NAALADL2: variants seen among roughly 807,000 people sequenced by gnomAD.
The protein encoded by NAALADL2 is N-acetylated alpha-linked acidic dipeptidase like 2.
A neutral mutation model predicts 87.2 loss-of-function variants in NAALADL2; 76 were observed. The observed-to-expected ratio is 0.87, with a 90% CI of 0.72 to 1.05. The LOEUF (loss-of-function observed/expected upper bound fraction) is 1.05, where lower values mean the gene tolerates loss of function less well. Ranked by LOEUF, NAALADL2 falls within the 50% of genes least tolerant of loss-of-function variation. The pLI, the probability that NAALADL2 is intolerant of heterozygous loss-of-function variation, is 0.00. For synonymous variants in NAALADL2, 354 were observed against 331.0 expected, an observed-to-expected ratio of 1.07 and a Z score of -0.75; for missense variants, 1,089 against 945.8, an observed-to-expected ratio of 1.15 and a Z score of -1.99.
chr3:175,688,211 T>G (rs1164934268), intron 11 of NAALADL2, among the ~76,000 whole-genome samples: 1 of 152,154 alleles, frequency 6.6e-6, no homozygotes, highest in Non-Finnish European at 1.5e-5. Flanking sequence ...GAGAAATTAA[T>G]GAACGACCTC....
chr3:175,107,929 C>T (rs1318804569), intron 2 of NAALADL2, among the ~76,000 whole-genome samples: 3 of 147,828 alleles, frequency 2.0e-5, no homozygotes, highest in African/African-American at 7.6e-5. Context: ...ATTCACTTTC[C>T]AAATTTCACA....
intron 5 of NAALADL2, among the ~76,000 whole-genome samples, chr3:175,393,807 A>G (rs1295028856): frequency 6.6e-6 from 1 of 152,218 alleles, no homozygotes; most frequent in Non-Finnish European, 1.5e-5. Flanking sequence ...CTTGTCCAAC[A>G]CACTATCCAT....
intron 2 of NAALADL2, among the ~76,000 whole-genome samples, chr3:174,606,919 A>G (rs1438414775): frequency 6.6e-6 from 1 of 152,202 alleles, no homozygotes; most frequent in Non-Finnish European, 1.5e-5. Flanking sequence ...GCAGCCAGAA[A>G]GGTCGGGTTA....
intron 3 of NAALADL2, among the ~76,000 whole-genome samples, chr3:174,811,216 C>T (rs909015875): frequency 1.1e-4 from 16 of 152,122 alleles, no homozygotes; most frequent in African/African-American, 3.4e-4. Context: ...TGGGGCATTG[C>T]CTAGTGGAGC....
At chr3:174,561,940 T>C (rs1268237905) in intron 2 of NAALADL2, among the ~76,000 whole-genome samples, 1 of 152,212 alleles carries the variant, frequency 6.6e-6, no homozygotes, top group African/African-American at 2.4e-5. Flanking sequence ...ATGTTCTTTG[T>C]CAATTCTGGA....
intron 5 of NAALADL2, among the ~76,000 whole-genome samples, chr3:175,443,510 T>C (rs1240589232): frequency 6.6e-6 from 1 of 152,180 alleles, no homozygotes; most frequent in Non-Finnish European, 1.5e-5. Context: ...GAAAGTTTAT[T>C]TAATATGTCT....
intron 1 of NAALADL2, among the ~76,000 whole-genome samples, chr3:174,867,537 T>G (rs576492714): frequency 5.9e-5 from 9 of 152,186 alleles, no homozygotes; most frequent in African/African-American, 2.2e-4. Flanking sequence ...ACTTGTTTAT[T>G]GCTTCATTTC....
intron 1 of NAALADL2, among the ~76,000 whole-genome samples, chr3:174,895,598 A>G (rs1480384533): frequency 1.3e-5 from 2 of 152,208 alleles, no homozygotes. Flanking sequence ...TTTACCAAAT[A>G]TTTGAAGAAT....
At chr3:175,393,275 C>T (rs1276082229) in intron 5 of NAALADL2, among the ~76,000 whole-genome samples, 5 of 59,704 alleles carry the variant, frequency 8.4e-5, no homozygotes, top group African/African-American at 4.4e-4. Context: ...AGCGAGACTC[C>T]GTCTCAAAAA....
chr3:174,514,860 T>G (rs1719822618), intron 1 of NAALADL2, among the ~76,000 whole-genome samples: 1 of 152,104 alleles, frequency 6.6e-6, no homozygotes, highest in Non-Finnish European at 1.5e-5. Flanking sequence ...GAATTACTTT[T>G]ATGTCACCAT....
At chr3:174,515,684 A>C (rs987311803) in intron 1 of NAALADL2, among the ~76,000 whole-genome samples, 1 of 147,588 alleles carries the variant, frequency 6.8e-6, no homozygotes, top group East Asian at 2.3e-4. Context: ...AGAACTGACA[A>C]TTGGAAAAAA....
rs1322609425 is a variant in NAALADL2 at position 174,761,379 on chromosome 3, CTT to C, written c.-9+23634_-9+23635del. 2.0e-5 allele frequency among the ~76,000 whole-genome samples: 3 copies of C among 151,750 alleles called. No homozygotes were observed. The East Asian group carries it at 5.8e-4, about 29-fold the overall frequency. On this transcript the variant is annotated intron_variant, in intron 3 of 3. Coordinates refer to the NAALADL2 transcript ENST00000434257. Reference sequence around the variant, plus strand: ...ACAGAAAGCTATTTTAAAATAAAGTCTTAAGTGTAAAATAAAATATAATTTAA... The same window carrying C: ...ACAGAAAGCTATTTTAAAATAAAGTCAAGTGTAAAATAAAATATAATTTAA...
At chr3:174,645,822 T>G (rs1472747604) in intron 2 of NAALADL2, among the ~76,000 whole-genome samples, 1 of 152,182 alleles carries the variant, frequency 6.6e-6, no homozygotes, top group African/African-American at 2.4e-5. Context: ...TAGGATGGAT[T>G]CAGAATGATA....
At chr3:175,611,844 T>C (rs1457360035) in intron 10 of NAALADL2, among the ~76,000 whole-genome samples, 3 of 152,188 alleles carry the variant, frequency 2.0e-5, no homozygotes, top group Admixed American at 6.5e-5. Context: ...TTTTATCCAC[T>C]GGGGCTAAAA....
At chr3:175,299,947 T>G (rs1756840282) in intron 4 of NAALADL2, among the ~76,000 whole-genome samples, 1 of 152,202 alleles carries the variant, frequency 6.6e-6, no homozygotes, top group Admixed American at 6.5e-5. Context: ...TTTTATTATT[T>G]TGAGATATGG....
intron 3 of NAALADL2, among the ~76,000 whole-genome samples, chr3:174,791,444 A>T (rs1717445628): frequency 6.6e-6 from 1 of 152,204 alleles, no homozygotes; most frequent in Non-Finnish European, 1.5e-5. Context: ...ATGTATGAAC[A>T]CATAAACAGG....
chr3:175,102,562 C>T (rs1722392761), intron 2 of NAALADL2, among the ~76,000 whole-genome samples: 1 of 152,018 alleles, frequency 6.6e-6, no homozygotes, highest in African/African-American at 2.4e-5. Flanking sequence ...GTATGGTACG[C>T]CATCTCTTTG....
At chr3:175,416,572 G>A (rs1243338736) in intron 5 of NAALADL2, among the ~76,000 whole-genome samples, 1 of 152,122 alleles carries the variant, frequency 6.6e-6, no homozygotes, top group Non-Finnish European at 1.5e-5. Flanking sequence ...GATCACTGAT[G>A]TTAAGTAGAA....
At chr3:175,174,617 T>C (rs962535605) in intron 2 of NAALADL2, among the ~76,000 whole-genome samples, 1 of 152,178 alleles carries the variant, frequency 6.6e-6, no homozygotes, top group Middle Eastern at 3.4e-3. Flanking sequence ...AATTGGATAA[T>C]TATTGGACAT....
Sources: gnomAD v4.1 joint callset for allele counts (sites outside exome capture counted in the v4.1 genomes callset) on GRCh38, gnomAD v4.1.1 for gene constraint, MANE v1.5 for transcripts, NCBI Gene and HGNC (gene_info 2026-07-23, HGNC 2026-07-21) for gene names.